BACH2: variants seen among roughly 807,000 people sequenced by gnomAD.
BACH2 encodes transcription regulator protein BACH2.
In BACH2, 5 loss-of-function variants were observed where a neutral mutation model predicts 61.8. The observed-to-expected ratio is 0.08, with a 90% confidence interval of 0.04 to 0.17. The LOEUF (loss-of-function observed/expected upper bound fraction) is 0.17. Ranked by LOEUF, BACH2 falls within the 10% of genes least tolerant of loss-of-function variation. The probability of loss-of-function intolerance (pLI) is 1.00; values close to 1 mark genes in which losing one functional copy is unlikely to be tolerated. For missense variants in BACH2, 824 were observed against 1,091.1 expected, an observed-to-expected ratio of 0.76 and a Z score of 3.45; for synonymous variants, 446 against 440.1, an observed-to-expected ratio of 1.01 and a Z score of -0.17.
chr6:90,142,583 G>C (rs1260065844), intron 4 of BACH2, among the ~76,000 whole-genome samples: 2 of 152,054 alleles, frequency 1.3e-5, no homozygotes, highest in African/African-American at 4.8e-5. Context: ...CATAATCTGA[G>C]ACTTACAGGG....
At chr6:90,098,929 T>C (rs1199828153) in intron 4 of BACH2, among the ~76,000 whole-genome samples, 1 of 152,230 alleles carries the variant, frequency 6.6e-6, no homozygotes, top group African/African-American at 2.4e-5. Flanking sequence ...GTCCATGACA[T>C]GCTGGCTCTA....
chr6:90,156,870 A>G (rs1785011885), intron 4 of BACH2, among the ~76,000 whole-genome samples: 1 of 152,236 alleles, frequency 6.6e-6, no homozygotes, highest in South Asian at 2.1e-4. Context: ...TACATGACCC[A>G]GGCGGCCCTG....
rs867093244 is a variant in BACH2, at chr6:90,153,264, G to A, written c.-162+53305C>T. Among the ~76,000 whole-genome samples the A allele has an allele frequency of 4.6e-5, 7 of 152,040 alleles. No individual in the cohort carries two copies. The South Asian group carries it at 6.2e-4, about 13-fold the overall frequency. On this transcript the variant is annotated intron_variant, in intron 4 of 8. Coordinates refer to ENST00000257749, the MANE Select transcript of BACH2 (RefSeq NM_021813.4). ...TCATAGTCAAGATCATGAATCACAC[G>A]CCCAAGTGGTGACTTATAGTTCTTT...
At chr6:90,109,223 T>C (rs1783058986) in intron 4 of BACH2, among the ~76,000 whole-genome samples, 1 of 152,206 alleles carries the variant, frequency 6.6e-6, no homozygotes. Flanking sequence ...GATCTCCGTC[T>C]TGCCAAGTCC....
At chr6:90,033,351 TA>T (rs57759686) in intron 5 of BACH2, among the ~76,000 whole-genome samples, 6,877 of 83,450 alleles carry the variant, frequency 0.082, 296 homozygotes, top group African/African-American at 0.21. Flanking sequence ...GAAACTTAAA[TA>T]AAAAAAAAAA....
At chr6:90,245,534 G>A (rs1268339064) in intron 3 of BACH2, among the ~76,000 whole-genome samples, 7 of 152,270 alleles carry the variant, frequency 4.6e-5, no homozygotes, top group Admixed American at 1.3e-4. Context: ...ACTGCACTCC[G>A]GCCTGGTTGA....
At chr6:90,262,694 G>T in intron 2 of BACH2, among the ~76,000 whole-genome samples, 1 of 152,174 alleles carries the variant, frequency 6.6e-6, no homozygotes, top group Middle Eastern at 3.2e-3. Flanking sequence ...CCAAGTGCAG[G>T]TAGTGACATC....
intron 4 of BACH2, among the ~76,000 whole-genome samples, chr6:90,200,581 C>T (rs1439898259): frequency 1.3e-5 from 2 of 152,110 alleles, no homozygotes; most frequent in African/African-American, 4.8e-5. Flanking sequence ...TCCATTTGCA[C>T]CTCAAATGCA....
intron 7 of BACH2, among the ~76,000 whole-genome samples, chr6:89,942,575 G>A (rs1773499069): frequency 6.6e-6 from 1 of 152,190 alleles, no homozygotes; most frequent in Non-Finnish European, 1.5e-5. Flanking sequence ...CCAATGTGAT[G>A]AGGTGAAGAG....
At chr6:90,112,807 G>A (rs1309693304) in intron 4 of BACH2, among the ~76,000 whole-genome samples, 2 of 152,136 alleles carry the variant, frequency 1.3e-5, no homozygotes, top group Non-Finnish European at 2.9e-5. Flanking sequence ...GCACAGAGTG[G>A]CAAGCTGGAT....
At chr6:90,021,853 C>G (rs1778395163) in intron 5 of BACH2, among the ~76,000 whole-genome samples, 1 of 152,098 alleles carries the variant, frequency 6.6e-6, no homozygotes, top group South Asian at 2.1e-4. Context: ...AAGTAAGGGC[C>G]CTGACTGACA....
chr6:89,932,924 C>T lies in BACH2; in HGVS notation c.2044-34G>A, dbSNP rs771392110. On this transcript the variant is annotated intron_variant, in intron 8 of 8. Coordinates refer to ENST00000257749, the MANE Select transcript of BACH2 (RefSeq NM_021813.4). ...TAGAGAAAAAAAGAGAAGGGTTGAT[C>T]AAGCCTGAACTGGAGGACAGAAGGC... 24 of 1,527,450 alleles carry T rather than the reference C, an allele frequency of 1.6e-5. No homozygotes were observed. In the Admixed American group the frequency reaches 3.7e-4, roughly 24 times the overall value. 94.6% of individuals were successfully genotyped at this position (1,527,450 alleles called of 1,614,324 possible).
intron 4 of BACH2, among the ~76,000 whole-genome samples, chr6:90,204,413 T>G (rs193292202): frequency 6.6e-6 from 1 of 152,302 alleles, no homozygotes; most frequent in East Asian, 1.9e-4. Flanking sequence ...TTCTTTGTCT[T>G]ATGCCAAGAA....
intron 4 of BACH2, among the ~76,000 whole-genome samples, chr6:90,165,462 T>C (rs367598211): frequency 6.6e-6 from 1 of 151,176 alleles, no homozygotes; most frequent in Non-Finnish European, 1.5e-5. Context: ...GAATCAATAT[T>C]GTGAAAATGG....
intron 3 of BACH2, among the ~76,000 whole-genome samples, chr6:90,243,065 T>C (rs1343274857): frequency 6.8e-6 from 1 of 146,950 alleles, no homozygotes; most frequent in East Asian, 2.0e-4. Flanking sequence ...TTTTTTTTTT[T>C]TTTTTTTTAG....
In BACH2 at chr6:90,039,222, T is replaced by C. The variant is rs549114577; in HGVS notation, c.-12-30366A>G. On this transcript the variant is annotated intron_variant, in intron 5 of 8. Transcript: ENST00000257749. ...GGGTTGTAGTCAGTATGTGTTATTATAAACAAGGTTGTAACGTGTAATCTT... is the reference window on the plus strand; with the variant it reads ...GGGTTGTAGTCAGTATGTGTTATTACAAACAAGGTTGTAACGTGTAATCTT... 2.6e-5 allele frequency among the ~76,000 whole-genome samples: 4 copies of C among 152,360 alleles called. No individual in the cohort carries two copies. In the East Asian group the frequency reaches 7.7e-4, roughly 29 times the overall value.
chr6:90,227,524 C>A (rs1204082032), intron 3 of BACH2, among the ~76,000 whole-genome samples: 2 of 152,194 alleles, frequency 1.3e-5, no homozygotes, highest in Non-Finnish European at 2.9e-5. Context: ...CAGTGACAGC[C>A]CCCTGCCTGC....
intron 4 of BACH2, among the ~76,000 whole-genome samples, chr6:90,095,645 A>G (rs559368824): frequency 6.6e-6 from 1 of 152,328 alleles, no homozygotes; most frequent in African/African-American, 2.4e-5. Context: ...AGAAAAATAA[A>G]AAGTGTGATA....
intron 3 of BACH2, among the ~76,000 whole-genome samples, chr6:90,245,525 C>T (rs77642726): frequency 7.6e-4 from 116 of 152,308 alleles, no homozygotes; most frequent in African/African-American, 2.7e-3. Context: ...GACGGTGGCA[C>T]TGCACTCCGG....
Sources: allele counts gnomAD v4.1 joint callset (sites outside exome capture counted in the v4.1 genomes callset), GRCh38; gene constraint gnomAD v4.1.1; transcripts MANE v1.5; gene names NCBI Gene and HGNC (gene_info 2026-07-23, HGNC 2026-07-21).